The following ITPR2 variants were observed in gnomAD, a reference collection of about 807,000 sequenced individuals.
ITPR2 encodes the protein inositol 1,4,5-trisphosphate-gated calcium channel ITPR2.
In ITPR2, 207 loss-of-function variants were observed where a neutral mutation model predicts 317.1. The observed-to-expected ratio is 0.65, with a 90% CI of 0.58 to 0.73. The LOEUF (loss-of-function observed/expected upper bound fraction) is 0.73, where lower values mean the gene tolerates loss of function less well. ITPR2 is among the 30% of genes least tolerant of loss of function. The probability of loss-of-function intolerance (pLI) is 0.00; values close to 1 mark genes in which losing one functional copy is unlikely to be tolerated. For synonymous variants in ITPR2, 1,156 were observed against 1,149.1 expected (o/e 1.01, Z -0.12); for missense variants, 2,613 against 3,284.0 (o/e 0.80, Z 4.99).
At chr12:26,408,223 C>A (rs1403607593) in intron 52 of ITPR2, among the ~76,000 whole-genome samples, 1 of 151,762 alleles carries the variant, frequency 6.6e-6, no homozygotes, top group Non-Finnish European at 1.5e-5. Context: ...GGTGACTGGC[C>A]CAGAGTAGAG....
intron 37 of ITPR2, among the ~76,000 whole-genome samples, chr12:26,525,177 G>A (rs888913879): frequency 2.0e-5 from 3 of 152,120 alleles, no homozygotes; most frequent in Non-Finnish European, 2.9e-5. Context: ...CTACCATGAG[G>A]AGAGTGTGGG....
intron 35 of ITPR2, among the ~76,000 whole-genome samples, chr12:26,557,651 A>T (rs1357433098): frequency 6.6e-6 from 1 of 152,158 alleles, no homozygotes; most frequent in East Asian, 1.9e-4. Context: ...CAATTAGCAA[A>T]CTCAAGGAAA....
intron 37 of ITPR2, among the ~76,000 whole-genome samples, chr12:26,535,684 T>A (rs1944070017): frequency 6.6e-6 from 1 of 152,186 alleles, no homozygotes; most frequent in African/African-American, 2.4e-5. Flanking sequence ...ATAAATTTAG[T>A]TGAGCAAAAG....
intron 1 of ITPR2, among the ~76,000 whole-genome samples, chr12:26,804,191 C>A (rs922854254): frequency 6.6e-6 from 1 of 152,008 alleles, no homozygotes; most frequent in Non-Finnish European, 1.5e-5. Flanking sequence ...GAGCTTCCAA[C>A]GTTTAACATT....
chr12:26,774,071 T>TAGC (rs1949917054), intron 2 of ITPR2, among the ~76,000 whole-genome samples: 1 of 148,306 alleles, frequency 6.7e-6, no homozygotes, highest in African/African-American at 2.5e-5. Flanking sequence ...CTTCTTTGAG[T>TAGC]AGCAGCGAAT....
At chr12:26,513,940 T>A (rs1281830238) in intron 37 of ITPR2, among the ~76,000 whole-genome samples, 1 of 106,386 alleles carries the variant, frequency 9.4e-6, no homozygotes. Context: ...ACCAAATTTG[T>A]CATTTGTCCG....
intron 1 of ITPR2, among the ~76,000 whole-genome samples, chr12:26,825,530 T>C (rs1181863961): frequency 1.3e-5 from 2 of 151,802 alleles, no homozygotes; most frequent in Non-Finnish European, 1.5e-5. Context: ...AAAAAAAGTG[T>C]CATTGTGAAA....
intron 45 of ITPR2, among the ~76,000 whole-genome samples, chr12:26,447,938 C>T (rs1013100377): frequency 3.3e-5 from 5 of 150,962 alleles, no homozygotes; most frequent in Admixed American, 1.3e-4. Context: ...TAGTGATGGA[C>T]TCTAGCCACA....
chr12:26,604,619 G>T (rs1946080621), intron 26 of ITPR2, among the ~76,000 whole-genome samples: 1 of 152,098 alleles, frequency 6.6e-6, no homozygotes, highest in African/African-American at 2.4e-5. Context: ...AAAAGTAAAA[G>T]ATCAAAACAC....
At chr12:26,805,937 C>T (rs1481869182) in intron 1 of ITPR2, among the ~76,000 whole-genome samples, 5 of 151,966 alleles carry the variant, frequency 3.3e-5, no homozygotes, top group Non-Finnish European at 7.4e-5. Flanking sequence ...GGTAGCTCAA[C>T]GTGATCTGGT....
intron 55 of ITPR2, among the ~76,000 whole-genome samples, chr12:26,345,010 G>C (rs1452843834): frequency 6.6e-6 from 1 of 151,860 alleles, no homozygotes; most frequent in East Asian, 1.9e-4. Flanking sequence ...CTACCTTTCT[G>C]CTTCTTGTTC....
At chr12:26,396,270 G>A (rs761163457) in intron 54 of ITPR2, among the ~76,000 whole-genome samples, 8 of 152,116 alleles carry the variant, frequency 5.3e-5, no homozygotes, top group Non-Finnish European at 7.3e-5. Context: ...CAAGGTTGAT[G>A]GAGTGTCCTC....
chr12:26,371,285 A>T lies in ITPR2; in HGVS notation c.7857+16149T>A, dbSNP rs528746698. ...AAGCAGTTTTCTTAAGTTCTCTTTC[A>T]CCTAAAGTCAGGAAGTCAGAAAACT... On this transcript the variant is annotated intron_variant, in intron 55 of 56. Transcript: ENST00000381340. 2.0e-5 allele frequency among the ~76,000 whole-genome samples: 3 copies of T among 152,322 alleles called. No individual in the cohort carries two copies. In the East Asian group the frequency reaches 5.8e-4, roughly 29 times the overall value.
chr12:26,612,980 T>C (rs1266205012), intron 26 of ITPR2, among the ~76,000 whole-genome samples: 1 of 152,228 alleles, frequency 6.6e-6, no homozygotes, highest in African/African-American at 2.4e-5. Flanking sequence ...CGCTGGCCTC[T>C]CCTTTTTCTG....
chr12:26,435,309 C>T (rs1314964398), intron 48 of ITPR2, among the ~76,000 whole-genome samples: 1 of 152,038 alleles, frequency 6.6e-6, no homozygotes, highest in Non-Finnish European at 1.5e-5. Context: ...TAAACAGCAA[C>T]CACCACCATT....
At chr12:26,638,687 T>C (rs1415761748) in intron 21 of ITPR2, among the ~76,000 whole-genome samples, 1 of 152,186 alleles carries the variant, frequency 6.6e-6, no homozygotes, top group South Asian at 2.1e-4. Flanking sequence ...TTTTCGTCAT[T>C]GACTTGGGTG....
chr12:26,765,754 T>C (rs1049336569), intron 2 of ITPR2, among the ~76,000 whole-genome samples: 2 of 152,112 alleles, frequency 1.3e-5, no homozygotes, highest in African/African-American at 4.8e-5. Flanking sequence ...TTTAGAACAT[T>C]TTTATCAATT....
chr12:26,600,986 C>T (rs1279944072), intron 28 of ITPR2, among the ~76,000 whole-genome samples: 1 of 152,046 alleles, frequency 6.6e-6, no homozygotes, highest in Non-Finnish European at 1.5e-5. Context: ...TTTCTTAACA[C>T]TCTTAATAGT....
At chr12:26,791,641 T>C (rs574274807) in intron 1 of ITPR2, among the ~76,000 whole-genome samples, 1 of 152,282 alleles carries the variant, frequency 6.6e-6, no homozygotes, top group East Asian at 1.9e-4. Flanking sequence ...TACTAAAATG[T>C]GGTTTTACAA....
Sources: allele counts gnomAD v4.1 joint callset (sites outside exome capture counted in the v4.1 genomes callset), GRCh38; gene constraint gnomAD v4.1.1; transcripts MANE v1.5; gene names NCBI Gene and HGNC (gene_info 2026-07-23, HGNC 2026-07-21).